MARCHF5: variants seen among roughly 807,000 people sequenced by gnomAD.
MARCHF5 encodes the protein membrane associated ring-CH-type finger 5.
A neutral mutation model predicts 36.5 loss-of-function variants in MARCHF5; 5 were observed. That is an observed-to-expected ratio of 0.14 (90% confidence interval 0.07 to 0.29). The LOEUF is 0.29. Ranked by LOEUF, MARCHF5 falls within the 10% of genes least tolerant of loss-of-function variation. MARCHF5 has a pLI of 1.00. For missense variants in MARCHF5, 179 were observed against 336.3 expected, an observed-to-expected ratio of 0.53 and a Z score of 3.66; for synonymous variants, 103 against 109.9, an observed-to-expected ratio of 0.94 and a Z score of 0.39.
intron 2 of MARCHF5, among the ~76,000 whole-genome samples, chr10:92,318,179 C>T (rs1396367890): frequency 6.6e-6 from 1 of 152,148 alleles, no homozygotes; most frequent in Non-Finnish European, 1.5e-5. Flanking sequence ...GTAATCCCAG[C>T]ACTTTGGGAG....
chr10:92,342,757 A>C (rs1843594561), intron 3 of MARCHF5, among the ~76,000 whole-genome samples: 1 of 152,200 alleles, frequency 6.6e-6, no homozygotes. Flanking sequence ...AGTGTTTCCT[A>C]AGTAACTCTG....
intron 2 of MARCHF5, among the ~76,000 whole-genome samples, chr10:92,313,875 A>C (rs529504984): frequency 2.0e-5 from 3 of 152,280 alleles, no homozygotes; most frequent in African/African-American, 7.2e-5. Flanking sequence ...CTTGGGAGAC[A>C]GAGTGAGACC....
intron 1 of MARCHF5, among the ~76,000 whole-genome samples, chr10:92,292,247 G>A (rs1842885840): frequency 6.6e-6 from 1 of 152,126 alleles, no homozygotes; most frequent in South Asian, 2.1e-4. Flanking sequence ...AACTCTTTGT[G>A]AAGTCGGGTG....
intron 1 of MARCHF5, among the ~76,000 whole-genome samples, chr10:92,305,413 A>C (rs1843064173): frequency 6.6e-6 from 1 of 152,116 alleles, no homozygotes; most frequent in Non-Finnish European, 1.5e-5. Flanking sequence ...TCTCCAAAAA[A>C]AAAAAGAATA....
chr10:92,347,210 G>C (rs372505645), intron 3 of MARCHF5, among the ~76,000 whole-genome samples: 8 of 152,030 alleles, frequency 5.3e-5, no homozygotes, highest in African/African-American at 1.9e-4. Context: ...CTGGCCGGGC[G>C]TGGTGGGTCA....
intron 3 of MARCHF5, among the ~76,000 whole-genome samples, chr10:92,347,558 T>G (rs1181385671): frequency 6.6e-6 from 1 of 151,930 alleles, no homozygotes; most frequent in Non-Finnish European, 1.5e-5. Flanking sequence ...GATAGATAGA[T>G]AAAGAAATTT....
At chr10:92,297,251 C>T (rs1351723782) in intron 1 of MARCHF5, among the ~76,000 whole-genome samples, 1 of 151,120 alleles carries the variant, frequency 6.6e-6, no homozygotes, top group Non-Finnish European at 1.5e-5. Context: ...ACTACAGCCT[C>T]AACCTCCCAG....
chr10:92,309,668 A>G (rs1843122234), intron 1 of MARCHF5, among the ~76,000 whole-genome samples: 1 of 152,118 alleles, frequency 6.6e-6, no homozygotes. Flanking sequence ...TAGTATACTT[A>G]CCAATTGAAA....
chr10:92,310,650 G>GT (rs200650575), intron 1 of MARCHF5, among the ~76,000 whole-genome samples: 247 of 151,112 alleles, frequency 1.6e-3, no homozygotes, highest in Non-Finnish European at 2.5e-3. Context: ...AGAAAAATGG[G>GT]TTTTTTTTTC....
intron 2 of MARCHF5, among the ~76,000 whole-genome samples, chr10:92,334,187 C>T (rs1011600749): frequency 4.6e-5 from 7 of 152,166 alleles, no homozygotes; most frequent in Admixed American, 2.0e-4. Flanking sequence ...GAGACTCTGT[C>T]TCGGAAGAAA....
chr10:92,345,123 T>G (rs1044959296), intron 3 of MARCHF5, among the ~76,000 whole-genome samples: 1 of 151,904 alleles, frequency 6.6e-6, no homozygotes, highest in Non-Finnish European at 1.5e-5. Flanking sequence ...CAGCCCCCAT[T>G]AGCATTGCCC....
rs1842864057 is a variant in MARCHF5 at position 92,291,545 on chromosome 10, G to T, written c.35+16G>T. ...TGCTGGACAGGTACGGGCAGCTGTG[G>T]GGGGGACCGGGAGCCGCCGACCCTC... On this transcript the variant is annotated intron_variant, in intron 1 of 5. Transcript: ENST00000358935. 10 of 1,533,342 alleles carry T rather than the reference G, an allele frequency of 6.5e-6. No homozygotes were observed. Among genetic ancestry groups the T allele is most frequent in the African/African-American group, 1.4e-5 (1 of 71,544 alleles). 95.0% of individuals were successfully genotyped at this position (1,533,342 alleles called of 1,614,324 possible).
rs1843732935 is a variant in MARCHF5 at position 92,352,632 on chromosome 10, G to T, written c.*1425G>T. 1.3e-5 allele frequency: 2 copies of T among 152,300 alleles called. No homozygotes were observed. Among genetic ancestry groups the T allele is most frequent in the Admixed American group, 6.5e-5 (1 of 15,278 alleles). 9.4% of individuals were successfully genotyped at this position (152,300 alleles called of 1,614,324 possible). On this transcript the variant is annotated 3_prime_UTR_variant, in exon 6 of 6. Coordinates refer to ENST00000358935, the MANE Select transcript of MARCHF5 (RefSeq NM_017824.5). ...TTACTGATAAGCGGCCACTTTAGGA[G>T]TGTAGCAAATATAGATTGAGCTATG... is the stretch of plus-strand genomic sequence containing the variant.
Position 92,291,312 on chromosome 10 carries a change from C to G in MARCHF5, c.-183C>G. 3.4e-6 allele frequency: 2 copies of G among 581,582 alleles called. No homozygotes were observed. The highest frequency in any genetic ancestry group is 6.0e-6 in the Non-Finnish European group (2 of 336,022). The allele number at this position is 581,582 out of a possible 1,614,324, so 36.0% of individuals were successfully genotyped here. A position where few individuals can be genotyped will look rare whatever the true frequency, so the allele number is the denominator to read the frequency against. On this transcript the variant is annotated 5_prime_UTR_variant, in exon 1 of 6. Coordinates refer to ENST00000358935, the MANE Select transcript of MARCHF5 (RefSeq NM_017824.5). Reference sequence around the variant, plus strand: ...CCTCCTCGCTCTCCGCCGCCTCCGCCGGACTCCCGCAGGCCCTGCACCGCC... The same window carrying G: ...CCTCCTCGCTCTCCGCCGCCTCCGCGGGACTCCCGCAGGCCCTGCACCGCC...
At chr10:92,338,778 C>T (rs1843536184) in intron 2 of MARCHF5, among the ~76,000 whole-genome samples, 1 of 152,108 alleles carries the variant, frequency 6.6e-6, no homozygotes, top group Non-Finnish European at 1.5e-5. Context: ...CATCAGAATC[C>T]TATGTTAATT....
chr10:92,297,898 A>G (rs181501098), intron 1 of MARCHF5, among the ~76,000 whole-genome samples: 4 of 151,920 alleles, frequency 2.6e-5, no homozygotes, highest in Admixed American at 2.0e-4. Flanking sequence ...CATTAGCTCT[A>G]CTGAAAGTGT....
At position 92,311,121 on chromosome 10, in the gene MARCHF5, C is replaced by T; in HGVS notation, c.36-14C>T. ...AAAGATATAAATGTCATCCTTTTCT[C>T]TTTTAATTTACAGAAGTTGCTGGGT... On this transcript the variant is annotated splice_polypyrimidine_tract_variant and intron_variant, in intron 1 of 5. Transcript: ENST00000358935. The T allele has an allele frequency of 6.2e-7, 1 of 1,609,502 alleles. No homozygotes were observed. The highest frequency in any genetic ancestry group is 8.5e-7 in the Non-Finnish European group (1 of 1,176,012).
At chr10:92,296,113 G>A (rs1842946692) in intron 1 of MARCHF5, among the ~76,000 whole-genome samples, 1 of 151,864 alleles carries the variant, frequency 6.6e-6, no homozygotes, top group Non-Finnish European at 1.5e-5. Flanking sequence ...GACCTCAGGT[G>A]ATCCACCTAC....
At chr10:92,348,185 CA>C (rs58496139) in intron 3 of MARCHF5, among the ~76,000 whole-genome samples, 43,865 of 121,160 alleles carry the variant, frequency 0.36, 8,050 homozygotes, top group South Asian at 0.58. Flanking sequence ...AATTCCGTCT[CA>C]AAAAAAAAAA....
Sources: allele counts gnomAD v4.1 joint callset (sites outside exome capture counted in the v4.1 genomes callset), GRCh38; gene constraint gnomAD v4.1.1; transcripts MANE v1.5; gene names NCBI Gene and HGNC (gene_info 2026-07-23, HGNC 2026-07-21).